Variants in C11orf65 observed in about 807,000 individuals in gnomAD.
C11orf65 encodes protein MFI.
In C11orf65, 38 loss-of-function variants were observed where a neutral mutation model predicts 35.3. The ratio of observed to expected loss-of-function variants is 1.08; its 90% CI spans 0.83 to 1.41. The LOEUF is 1.41. Ranked by LOEUF, C11orf65 falls within the 40% of genes most tolerant of loss-of-function variation. C11orf65 has a pLI of 0.00. For missense variants in C11orf65, 370 were observed against 367.1 expected (o/e 1.01, Z -0.06); for synonymous variants, 105 against 114.4 (o/e 0.92, Z 0.53).
intron 2 of C11orf65, among the ~76,000 whole-genome samples, chr11:108,439,975 T>A (rs11212635): frequency 0.36 from 55,164 of 151,990 alleles, 10,509 homozygotes; most frequent in East Asian, 0.56. Context: ...GTTATGAACA[T>A]TTTACTACAA....
intron 2 of C11orf65, among the ~76,000 whole-genome samples, chr11:108,459,462 T>C (rs1056147376): frequency 2.0e-5 from 3 of 152,146 alleles, no homozygotes; most frequent in African/African-American, 7.2e-5. Context: ...CCAGCTCTTT[T>C]AAATTGTTAA....
chr11:108,326,669 G>A (rs1002075453), downstream of C11orf65, among the ~76,000 whole-genome samples: 3 of 152,134 alleles, frequency 2.0e-5, no homozygotes, highest in African/African-American at 2.4e-5. Context: ...AACATTACCT[G>A]TTGGTTTTTG....
intron 2 of C11orf65, among the ~76,000 whole-genome samples, chr11:108,455,030 T>C (rs1346035801): frequency 4.6e-5 from 7 of 152,216 alleles, no homozygotes; most frequent in Admixed American, 2.6e-4. Context: ...CCCTTTAGAA[T>C]TGCCTTTGCT....
At chr11:108,375,207 G>A (rs887896441) in intron 2 of C11orf65, among the ~76,000 whole-genome samples, 2 of 151,666 alleles carry the variant, frequency 1.3e-5, no homozygotes, top group African/African-American at 4.8e-5. Flanking sequence ...AAGTTGAAAT[G>A]AAGGAAAAAA....
chr11:108,399,968 T>C (rs1259779279), intron 6 of C11orf65, among the ~76,000 whole-genome samples: 3 of 152,186 alleles, frequency 2.0e-5, no homozygotes, highest in Non-Finnish European at 4.4e-5. Flanking sequence ...TTAGGTCTCT[T>C]TAGAGACTCT....
chr11:108,419,334 CA>C (rs2092783607), intron 3 of C11orf65, among the ~76,000 whole-genome samples: 1 of 152,004 alleles, frequency 6.6e-6, no homozygotes, highest in Non-Finnish European at 1.5e-5. Flanking sequence ...AAAATAAGAA[CA>C]AAAGAAAAAT....
intron 2 of C11orf65, among the ~76,000 whole-genome samples, chr11:108,437,740 G>C (rs531026341): frequency 2.5e-4 from 25 of 99,320 alleles, no homozygotes; most frequent in African/African-American, 1.0e-3. Flanking sequence ...AAAAAAAAAG[G>C]ATAAGGAAAT....
intron 2 of C11orf65, among the ~76,000 whole-genome samples, chr11:108,353,015 T>A (rs2089398959): frequency 6.6e-6 from 1 of 152,182 alleles, no homozygotes; most frequent in Non-Finnish European, 1.5e-5. Flanking sequence ...ATATCTTGAC[T>A]GCATCGATGT....
intron 3 of C11orf65, among the ~76,000 whole-genome samples, chr11:108,425,938 A>C (rs2092896131): frequency 6.6e-6 from 1 of 152,212 alleles, no homozygotes; most frequent in Admixed American, 6.5e-5. Flanking sequence ...CCTTTGATAA[A>C]ATTCAACACC....
At chr11:108,342,697 T>A (rs1179350025) in intron 2 of C11orf65, among the ~76,000 whole-genome samples, 1 of 152,200 alleles carries the variant, frequency 6.6e-6, no homozygotes, top group Non-Finnish European at 1.5e-5. Flanking sequence ...AATATAATTT[T>A]AAAAAACTTT....
intron 3 of C11orf65, among the ~76,000 whole-genome samples, chr11:108,424,436 T>C (rs113762891): frequency 2.6e-5 from 4 of 152,276 alleles, no homozygotes; most frequent in African/African-American, 7.2e-5. Context: ...TTGATTGATA[T>C]ACCTGAAAGT....
chr11:108,405,171 T>C lies in C11orf65; in HGVS notation c.560+258A>G, dbSNP rs140351143. The stretch of plus-strand genomic sequence containing the variant: ...TTGTTAACTAATCTTAATGAATAAA[T>C]ATGAGTCTCCCTAGCTGATTGGGGC... On this transcript the variant is annotated intron_variant, in intron 6 of 8. Coordinates refer to ENST00000393084, the MANE Select transcript of C11orf65 (RefSeq NM_152587.5). 7.2e-3 allele frequency among the ~76,000 whole-genome samples: 1,102 copies of C among 152,254 alleles called. 6 individuals carry two copies. Among genetic ancestry groups the C allele is most frequent in the Non-Finnish European group, 0.011 (751 of 68,026 alleles).
intron 3 of C11orf65, among the ~76,000 whole-genome samples, chr11:108,425,428 C>A (rs2092886435): frequency 6.6e-6 from 1 of 152,128 alleles, no homozygotes; most frequent in Non-Finnish European, 1.5e-5. Context: ...GACACATACA[C>A]CCTCCCAAGA....
intron 2 of C11orf65, among the ~76,000 whole-genome samples, chr11:108,358,820 G>A (rs540434362): frequency 0.048 from 7,090 of 149,210 alleles, 212 homozygotes; most frequent in Non-Finnish European, 0.067. Flanking sequence ...AGGAACAACC[G>A]GTACCAGCCA....
chr11:108,372,989 A>G (rs1591408123), intron 2 of C11orf65, among the ~76,000 whole-genome samples: 1 of 152,214 alleles, frequency 6.6e-6, no homozygotes, highest in Non-Finnish European at 1.5e-5. Context: ...CTGAGGCACA[A>G]GAATCACTTG....
chr11:108,398,369 G>A (rs1223125810), intron 6 of C11orf65, among the ~76,000 whole-genome samples: 1 of 152,172 alleles, frequency 6.6e-6, no homozygotes, highest in Admixed American at 6.5e-5. Flanking sequence ...TAAGCCCTCT[G>A]TTTCTGGCTT....
chr11:108,445,898 C>T (rs565010872), intron 2 of C11orf65, among the ~76,000 whole-genome samples: 23 of 152,004 alleles, frequency 1.5e-4, no homozygotes, highest in Non-Finnish European at 3.2e-4. Context: ...GAATGGATAA[C>T]TAGAATAATC....
intron 2 of C11orf65, chr11:108,353,741 A>C: frequency 6.4e-7 from 1 of 1,555,714 alleles, no homozygotes; most frequent in Non-Finnish European, 8.9e-7. Context: ...CAAACCTCCT[A>C]ACTTCACTGT....
At chr11:108,370,272 G>A (rs1022891044) in intron 2 of C11orf65, among the ~76,000 whole-genome samples, 2 of 151,704 alleles carry the variant, frequency 1.3e-5, no homozygotes, top group African/African-American at 4.8e-5. Flanking sequence ...TTTACATATT[G>A]ATTTTTCTAT....
Sources: allele counts gnomAD v4.1 joint callset (sites outside exome capture counted in the v4.1 genomes callset), GRCh38; gene constraint gnomAD v4.1.1; transcripts MANE v1.5; gene names NCBI Gene and HGNC (gene_info 2026-07-23, HGNC 2026-07-21).